ATP10B: variants seen among roughly 807,000 people sequenced by gnomAD.
ATP10B encodes ATPase phospholipid transporting 10B (putative), also known as phospholipid-transporting ATPase VB.
ATP10B carries 122 observed loss-of-function variants against 141.2 expected under a neutral mutation model. The ratio of observed to expected loss-of-function variants is 0.86; its 90% CI spans 0.75 to 1.00. The LOEUF (loss-of-function observed/expected upper bound fraction) is 1.00. Among genes scored for constraint, ATP10B ranks in the 50% least tolerant of loss-of-function variants. ATP10B has a pLI of 0.00. For missense variants in ATP10B, 1,876 were observed against 1,825.3 expected (o/e 1.03, Z -0.51); for synonymous variants, 685 against 692.0 (o/e 0.99, Z 0.16).
At chr5:160,718,858 C>T (rs1765810306) in intron 2 of ATP10B, among the ~76,000 whole-genome samples, 1 of 152,160 alleles carries the variant, frequency 6.6e-6, no homozygotes, top group Non-Finnish European at 1.5e-5. Flanking sequence ...TTGGTAGGGA[C>T]AAACCAAACC....
intron 1 of ATP10B, among the ~76,000 whole-genome samples, chr5:160,807,003 A>G (rs559243856): frequency 6.6e-6 from 1 of 152,308 alleles, no homozygotes; most frequent in South Asian, 2.1e-4. Flanking sequence ...CAAACGGGGA[A>G]GAAAAAGTAC....
chr5:160,917,789 A>C, the ATP10B span, among the ~76,000 whole-genome samples: 23 of 151,916 alleles, frequency 1.5e-4, no homozygotes, highest in African/African-American at 5.3e-4. Context: ...CCTGCCACCT[A>C]CCCTCCCTTC....
intron 24 of ATP10B, among the ~76,000 whole-genome samples, chr5:160,588,397 T>C (rs1581159196): frequency 6.6e-6 from 1 of 152,032 alleles, no homozygotes; most frequent in Non-Finnish European, 1.5e-5. Context: ...ATAGTGGTGG[T>C]GGGAGGCTGG....
chr5:160,705,580 C>A (rs1350820251), intron 3 of ATP10B, among the ~76,000 whole-genome samples: 1 of 152,128 alleles, frequency 6.6e-6, no homozygotes, highest in Non-Finnish European at 1.5e-5. Flanking sequence ...TCTTCTGCAG[C>A]TTTCTCACCT....
intron 1 of ATP10B, among the ~76,000 whole-genome samples, chr5:160,812,272 G>C (rs1230623635): frequency 1.3e-5 from 2 of 152,082 alleles, no homozygotes; most frequent in Non-Finnish European, 2.9e-5. Context: ...CCAAATACCT[G>C]AAAGGCCTTC....
chr5:160,737,783 A>G (rs1767223905), intron 2 of ATP10B, among the ~76,000 whole-genome samples: 1 of 152,182 alleles, frequency 6.6e-6, no homozygotes, highest in African/African-American at 2.4e-5. Context: ...TCGTAAATGT[A>G]TATGTATCCA....
At chr5:160,822,987 T>C (rs1371759032) in intron 1 of ATP10B, among the ~76,000 whole-genome samples, 1 of 85,034 alleles carries the variant, frequency 1.2e-5, no homozygotes, top group Non-Finnish European at 2.2e-5. Context: ...AAATTACATA[T>C]ACATATATAT....
intron 1 of ATP10B, among the ~76,000 whole-genome samples, chr5:160,798,589 G>A (rs76746039): frequency 7.2e-5 from 11 of 152,132 alleles, no homozygotes; most frequent in East Asian, 1.9e-4. Flanking sequence ...TAGACCCTTC[G>A]AAGAGAGAAT....
chr5:160,894,453 A>C, the ATP10B span, among the ~76,000 whole-genome samples: 1 of 152,056 alleles, frequency 6.6e-6, no homozygotes, highest in South Asian at 2.1e-4. Flanking sequence ...AAAGGATATC[A>C]GAGACTGAAT....
chr5:160,799,378 C>T (rs1581554781), intron 1 of ATP10B, among the ~76,000 whole-genome samples: 2 of 152,192 alleles, frequency 1.3e-5, no homozygotes, highest in African/African-American at 4.8e-5. Context: ...CAGCAGTCTA[C>T]TTCTGCATTA....
At chr5:160,851,361 A>G (rs1394167642) in intron 1 of ATP10B, among the ~76,000 whole-genome samples, 1 of 152,144 alleles carries the variant, frequency 6.6e-6, no homozygotes, top group African/African-American at 2.4e-5. Flanking sequence ...ACCTGCATGC[A>G]TGGGGCTTTT....
intron 2 of ATP10B, among the ~76,000 whole-genome samples, chr5:160,775,465 G>T (rs577933268): frequency 2.0e-4 from 31 of 152,234 alleles, no homozygotes; most frequent in African/African-American, 7.5e-4. Flanking sequence ...ATAGGGCACA[G>T]AAAAATAAGA....
intron 2 of ATP10B, among the ~76,000 whole-genome samples, chr5:160,727,690 A>G (rs890028589): frequency 7.2e-5 from 11 of 152,026 alleles, no homozygotes; most frequent in Admixed American, 6.6e-4. Flanking sequence ...TGGTCATACA[A>G]CCCATAAAGG....
At chr5:160,815,437 A>G (rs1293937361) in intron 1 of ATP10B, among the ~76,000 whole-genome samples, 3 of 152,360 alleles carry the variant, frequency 2.0e-5, no homozygotes, top group South Asian at 4.1e-4. Context: ...AAGAAGAGCT[A>G]ACTATCCTAA....
chr5:160,594,125 G>C (rs538075730), intron 22 of ATP10B, among the ~76,000 whole-genome samples: 6 of 152,270 alleles, frequency 3.9e-5, no homozygotes, highest in Admixed American at 3.3e-4. Flanking sequence ...AAAATGTCAA[G>C]GGCAGCCAGA....
intron 18 of ATP10B, among the ~76,000 whole-genome samples, chr5:160,608,242 C>G (rs967790971): frequency 6.6e-6 from 1 of 152,176 alleles, no homozygotes; most frequent in Admixed American, 6.5e-5. Context: ...ATCCATGTCG[C>G]TACAAAGGAT....
the ATP10B span, among the ~76,000 whole-genome samples, chr5:160,890,189 A>G: frequency 2.6e-5 from 4 of 152,256 alleles, no homozygotes; most frequent in Non-Finnish European, 4.4e-5. Context: ...AAGTAATCTA[A>G]TAGAAGTTTC....
chr5:160,842,043 T>C (rs576431103), intron 1 of ATP10B, among the ~76,000 whole-genome samples: 5 of 152,260 alleles, frequency 3.3e-5, no homozygotes, highest in African/African-American at 1.2e-4. Context: ...TTTCAAGGGC[T>C]CATGAAACAT....
chr5:160,868,441 G>A, the ATP10B span, among the ~76,000 whole-genome samples: 1 of 150,498 alleles, frequency 6.6e-6, no homozygotes, highest in African/African-American at 2.4e-5. Context: ...CCACTGTTAT[G>A]AAGTTTGTGA....
Sources: gnomAD v4.1 joint callset for allele counts (sites outside exome capture counted in the v4.1 genomes callset) on GRCh38, gnomAD v4.1.1 for gene constraint, MANE v1.5 for transcripts, NCBI Gene and HGNC (gene_info 2026-07-23, HGNC 2026-07-21) for gene names.